The following ASTN1 variants were observed in gnomAD, a reference collection of about 807,000 sequenced individuals.
ASTN1 encodes the protein astrotactin 1.
Under a neutral mutation model 140.7 loss-of-function variants are expected in ASTN1, and 41 were observed. That is an observed-to-expected ratio of 0.29 (90% CI 0.23 to 0.38). The LOEUF is 0.38. Ranked by LOEUF, ASTN1 falls within the 10% of genes least tolerant of loss-of-function variation. The pLI is 1.00. For missense variants in ASTN1, 1,479 were observed against 1,678.8 expected (o/e 0.88, Z 2.08); for synonymous variants, 640 against 652.2 (o/e 0.98, Z 0.29).
At chr1:177,132,097 G>A (rs1263846685) in intron 1 of ASTN1, among the ~76,000 whole-genome samples, 1 of 152,124 alleles carries the variant, frequency 6.6e-6, no homozygotes, top group Non-Finnish European at 1.5e-5. Flanking sequence ...GGTTGGTAAG[G>A]TTATTAGTGA....
chr1:177,145,116 C>T (rs920276454), intron 1 of ASTN1, among the ~76,000 whole-genome samples: 6 of 152,172 alleles, frequency 3.9e-5, no homozygotes, highest in African/African-American at 4.8e-5. Flanking sequence ...CTCTCAGATT[C>T]CTTTAACCTG....
chr1:176,926,720 T>C (rs1670986916), intron 16 of ASTN1, among the ~76,000 whole-genome samples: 1 of 152,218 alleles, frequency 6.6e-6, no homozygotes, highest in African/African-American at 2.4e-5. Flanking sequence ...AAAGATCCTT[T>C]GGAGCTAGTT....
At chr1:177,070,254 T>G (rs929401486) in intron 1 of ASTN1, among the ~76,000 whole-genome samples, 6 of 152,164 alleles carry the variant, frequency 3.9e-5, no homozygotes, top group African/African-American at 1.4e-4. Flanking sequence ...ACAGGGTGAT[T>G]GTAAGAAAAC....
At chr1:176,929,037 G>A (rs1238488873) in intron 16 of ASTN1, among the ~76,000 whole-genome samples, 3 of 152,160 alleles carry the variant, frequency 2.0e-5, no homozygotes, top group Admixed American at 6.5e-5. Flanking sequence ...AGTCTCTAGG[G>A]ACCTAAACTG....
intron 8 of ASTN1, 85 bp from the exon 9 acceptor site, chr1:176,965,322 G>T: frequency 9.5e-6 from 13 of 1,367,020 alleles, no homozygotes; most frequent in Non-Finnish European, 1.2e-5. Flanking sequence ...AGTGCTAGGT[G>T]GTAGACACCC....
At chr1:176,988,315 G>A (rs1673998818) in intron 8 of ASTN1, among the ~76,000 whole-genome samples, 1 of 49,290 alleles carries the variant, frequency 2.0e-5, no homozygotes, top group Non-Finnish European at 4.8e-5. Context: ...AGGATATATT[G>A]GGAAAAAAAA....
At chr1:176,924,320 T>C (rs1196515368) in intron 16 of ASTN1, among the ~76,000 whole-genome samples, 1 of 152,218 alleles carries the variant, frequency 6.6e-6, no homozygotes, top group Non-Finnish European at 1.5e-5. Context: ...CTATTTCATC[T>C]GCCTGGATTG....
At chr1:176,961,046 C>T (rs1007182613) in intron 9 of ASTN1, among the ~76,000 whole-genome samples, 2 of 152,120 alleles carry the variant, frequency 1.3e-5, no homozygotes, top group South Asian at 4.1e-4. Context: ...GAGGACAGTT[C>T]TTGTCATTTT....
intron 8 of ASTN1, among the ~76,000 whole-genome samples, chr1:176,968,819 A>T (rs942971313): frequency 4.0e-4 from 61 of 152,372 alleles, no homozygotes; most frequent in African/African-American, 1.4e-3. Context: ...ATATAGACCC[A>T]GACAAACCAC....
intron 16 of ASTN1, among the ~76,000 whole-genome samples, chr1:176,908,051 C>A (rs1670073090): frequency 6.6e-6 from 1 of 152,034 alleles, no homozygotes; most frequent in African/African-American, 2.4e-5. Context: ...TTACGATCAC[C>A]AATAAAGATG....
intron 1 of ASTN1, among the ~76,000 whole-genome samples, chr1:177,153,477 G>T (rs937642206): frequency 4.6e-5 from 7 of 152,020 alleles, no homozygotes; most frequent in South Asian, 2.1e-4. Flanking sequence ...AGCTAAAGTT[G>T]GTGCTTCATA....
chr1:177,032,693 C>G lies in ASTN1; in HGVS notation c.628G>C (p.Gly210Arg). The change falls in exon 3 of 23, where the codon GGC (glycine) becomes CGC (arginine). Residue 210 changes from glycine (G) to arginine (R), a missense_variant. Gly to Arg is a moderately radical substitution (Grantham distance 125). This residue lies in a region of ASTN1 where 729 missense variants were observed against 860.4 expected (regional missense o/e 0.85). Transcript: ENST00000361833. ...CGCAGGCTCTCCCGTCCGTGCCCGC[C>G]GATCAGCACAGAAGGAATGTAGTGA... ...EIHYIPSVLI[G>R]GHGRESLRNA... 1.2e-6 allele frequency: 2 copies of G among 1,614,052 alleles called. No homozygotes were observed. Among genetic ancestry groups the G allele is most frequent in the South Asian group, 1.1e-5 (1 of 91,088 alleles).
At chr1:177,158,101 C>A (rs1683314811) in intron 1 of ASTN1, among the ~76,000 whole-genome samples, 1 of 152,140 alleles carries the variant, frequency 6.6e-6, no homozygotes, top group Admixed American at 6.5e-5. Context: ...AGTGGAACTG[C>A]AAAAGCATCA....
At position 177,138,106 on chromosome 1, in the gene ASTN1, C is replaced by T. The variant is rs146213159; in HGVS notation, c.283+26288G>A. On this transcript the variant is annotated intron_variant, in intron 1 of 22. Coordinates refer to ENST00000361833, the MANE Select transcript of ASTN1 (RefSeq NM_004319.3). Reference sequence around the variant, plus strand: ...GCTCCAGACCTGGTGCTCAGATCAACTCTCCCTAGGGGAAAAGGGAACCCA... The same window carrying T: ...GCTCCAGACCTGGTGCTCAGATCAATTCTCCCTAGGGGAAAAGGGAACCCA... 3.1e-4 allele frequency among the ~76,000 whole-genome samples: 47 copies of T among 152,256 alleles called. 1 individual carries two copies. Among genetic ancestry groups the T allele is most frequent in the African/African-American group, 9.9e-4 (41 of 41,572 alleles).
intron 2 of ASTN1, among the ~76,000 whole-genome samples, chr1:177,036,966 T>C (rs535716762): frequency 1.9e-4 from 29 of 152,184 alleles, no homozygotes; most frequent in African/African-American, 6.3e-4. Flanking sequence ...ATTACAGGCA[T>C]GCACCACCAT....
At chr1:177,042,085 G>A (rs1211671914) in intron 2 of ASTN1, among the ~76,000 whole-genome samples, 1 of 152,204 alleles carries the variant, frequency 6.6e-6, no homozygotes, top group African/African-American at 2.4e-5. Context: ...ATCACTATCT[G>A]AACCAGGGAA....
intron 20 of ASTN1, among the ~76,000 whole-genome samples, chr1:176,878,225 C>A (rs1668645783): frequency 6.6e-6 from 1 of 152,214 alleles, no homozygotes; most frequent in African/African-American, 2.4e-5. Context: ...AGGACTCCTG[C>A]CCCTCCTTGC....
Position 177,164,468 on chromosome 1 carries a change from A to C in ASTN1, c.209T>G (p.Val70Gly). 6.2e-7 allele frequency: 1 copy of C among 1,613,798 alleles called. No homozygotes were observed. The highest frequency in any genetic ancestry group is 8.5e-7 in the Non-Finnish European group (1 of 1,179,896). Residue 70 changes from valine to glycine, a missense_variant, in exon 1 of 23, where the codon GTG becomes GGG. This residue lies in a region of ASTN1 where 729 missense variants were observed against 860.4 expected (regional missense o/e 0.85). Coordinates refer to ENST00000361833, the MANE Select transcript of ASTN1 (RefSeq NM_004319.3). ...SASEPKLLFS[V>G]RNDFPGEMVV... Reference sequence around the variant, plus strand: ...CATTTCTCCCGGGAAGTCGTTGCGCACCGAGAAGAGGAGCTTGGGCTCCGA... The same window carrying C: ...CATTTCTCCCGGGAAGTCGTTGCGCCCCGAGAAGAGGAGCTTGGGCTCCGA...
intron 7 of ASTN1, among the ~76,000 whole-genome samples, chr1:177,016,537 T>C (rs1675556149): frequency 6.6e-6 from 1 of 152,078 alleles, no homozygotes; most frequent in East Asian, 1.9e-4. Flanking sequence ...ATGAAGGCTG[T>C]TTATTTGAGA....
Sources: gnomAD v4.1 joint callset for allele counts (sites outside exome capture counted in the v4.1 genomes callset) on GRCh38, gnomAD v4.1.1 for gene constraint, gnomAD v4.1.1 regional missense constraint, MANE v1.5 for transcripts, NCBI Gene and HGNC (gene_info 2026-07-23, HGNC 2026-07-21) for gene names.